TEDDM1: variants seen among roughly 807,000 people sequenced by gnomAD.
TEDDM1 encodes epididymal protein 9.
For synonymous variants in TEDDM1, 126 were observed against 128.0 expected, an observed-to-expected ratio of 0.98 and a Z score of 0.11; for missense variants, 344 against 318.9, an observed-to-expected ratio of 1.08 and a Z score of -0.60.
In TEDDM1 at chr1:182,399,633, G is replaced by A; in HGVS notation, c.*31C>T. The A allele has an allele frequency of 6.5e-7, 1 of 1,543,066 alleles. No individual in the cohort carries two copies. The highest frequency in any genetic ancestry group is 8.9e-7 in the Non-Finnish European group (1 of 1,118,964). ...GGAGCCAACAGGAGGAAGATGAGGT[G>A]GACGATGTGCCAGCCACTGTAGGCC... On this transcript the variant is annotated 3_prime_UTR_variant, in exon 1 of 1. Coordinates refer to ENST00000367565, the MANE Select transcript of TEDDM1 (RefSeq NM_172000.4).
rs746903253 is a variant in TEDDM1 at position 182,400,587 on chromosome 1, G to C, written c.-102C>G. ...TTTCCCATGGAATACAGGCCTGTCC[G>C]ACTGAAGCGTGAAGAGCAATACTCA... is the stretch of plus-strand genomic sequence containing the variant. On this transcript the variant is annotated 5_prime_UTR_variant, in exon 1 of 1. Coordinates refer to ENST00000367565, the MANE Select transcript of TEDDM1 (RefSeq NM_172000.4). 1 of 963,932 alleles carries C rather than the reference G, an allele frequency of 1.0e-6. No individual in the cohort carries two copies. The highest frequency in any genetic ancestry group is 1.5e-6 in the Non-Finnish European group (1 of 656,906). 59.7% of individuals were successfully genotyped at this position (963,932 alleles called of 1,614,324 possible). A position where few individuals can be genotyped will look rare whatever the true frequency, so the allele number is the denominator to read the frequency against.
rs1238570761 is a variant in TEDDM1 at position 182,399,771 on chromosome 1, C to T, written c.715G>A (p.Ala239Thr). 1.2e-6 allele frequency: 2 copies of T among 1,614,056 alleles called. No homozygotes were observed. The highest frequency in any genetic ancestry group is 1.7e-5 in the Admixed American group (1 of 60,008). Residue 239 changes from alanine to threonine, a missense_variant, in exon 1 of 1, where the codon GCT (alanine) becomes ACT (threonine). Coordinates refer to ENST00000367565, the MANE Select transcript of TEDDM1 (RefSeq NM_172000.4). ...PSLKLTGPKE[A>T]PYYASTPGPL... is the part of the protein sequence containing the mutation. ...CCTGGAGTGCTTGCATAATATGGAG[C>T]TTCTTTGGGCCCAGTCAGCTTCAAG...
At position 182,400,606 on chromosome 1, in the gene TEDDM1, A is replaced by T; in HGVS notation, c.-121T>A. On this transcript the variant is annotated 5_prime_UTR_variant, in exon 1 of 1. It adds an upstream start codon to the 5' untranslated region. Coordinates refer to ENST00000367565, the MANE Select transcript of TEDDM1 (RefSeq NM_172000.4). ...CTGTCCGACTGAAGCGTGAAGAGCAATACTCAGGACCTCTCTGCTCTCCTC... is the reference window on the plus strand; with the variant it reads ...CTGTCCGACTGAAGCGTGAAGAGCATTACTCAGGACCTCTCTGCTCTCCTC... 1 of 748,852 alleles carries T rather than the reference A, an allele frequency of 1.3e-6. No individual in the cohort carries two copies. The highest frequency in any genetic ancestry group is 2.9e-5 in the Admixed American group (1 of 34,750). 46.4% of individuals were successfully genotyped at this position (748,852 alleles called of 1,614,324 possible). A position where few individuals can be genotyped will look rare whatever the true frequency, so the allele number is the denominator to read the frequency against.
In TEDDM1 at chr1:182,399,644, C is replaced by T; in HGVS notation, c.*20G>A. On this transcript the variant is annotated 3_prime_UTR_variant, in exon 1 of 1. Coordinates refer to ENST00000367565, the MANE Select transcript of TEDDM1 (RefSeq NM_172000.4). ...GAGGAAGATGAGGTGGACGATGTGC[C>T]AGCCACTGTAGGCCCTGTCTCAGGG... is the stretch of plus-strand genomic sequence containing the variant. 1 of 1,586,842 alleles carries T rather than the reference C, an allele frequency of 6.3e-7. No individual in the cohort carries two copies. The highest frequency in any genetic ancestry group is 8.6e-7 in the Non-Finnish European group (1 of 1,157,282).
In TEDDM1 at chr1:182,400,224, T is replaced by C. The variant is rs751572449; in HGVS notation, c.262A>G (p.Ser88Gly). Residue 88 changes from serine (S) to glycine (G), a missense_variant, in exon 1 of 1, where the codon AGC (serine) becomes GGC (glycine). Coordinates refer to ENST00000367565, the MANE Select transcript of TEDDM1 (RefSeq NM_172000.4). ...CACCTCTGAGGCAGCACATTCTTGC[T>C]CATGAAGTCCACACAGCCATTAAGA... ...LTLNGCVDFM[S>G]KNVLPQRCVG... 2.5e-6 allele frequency: 4 copies of C among 1,614,048 alleles called. No individual in the cohort carries two copies. Among genetic ancestry groups the C allele is most frequent in the African/African-American group, 2.7e-5 (2 of 74,920 alleles).
chr1:182,398,908 A>G lies in TEDDM1; in HGVS notation c.*756T>C, dbSNP rs2101945171. On this transcript the variant is annotated 3_prime_UTR_variant, in exon 1 of 1. Coordinates refer to ENST00000367565, the MANE Select transcript of TEDDM1 (RefSeq NM_172000.4). The stretch of plus-strand genomic sequence containing the variant: ...ATATGTAAAGTTTGAAATGAAGCCA[A>G]TTCTTGAAAGCTGCGGAGAGAGAAG... 1 of 152,360 alleles carries G rather than the reference A, an allele frequency of 6.6e-6. No homozygotes were observed. The highest frequency in any genetic ancestry group is 6.5e-5 in the Admixed American group (1 of 15,310). 9.4% of individuals were successfully genotyped at this position (152,360 alleles called of 1,614,324 possible).
Position 182,400,544 on chromosome 1 carries a change from T to G in TEDDM1, c.-59A>C. 7.0e-7 allele frequency: 1 copy of G among 1,430,798 alleles called. No individual in the cohort carries two copies. Among genetic ancestry groups the G allele is most frequent in the Non-Finnish European group, 9.4e-7 (1 of 1,064,906 alleles). The allele number at this position is 1,430,798 out of a possible 1,614,324, so 88.6% of individuals were successfully genotyped here. ...ATAAGAGAAAAGAAATAGCCCCAGT[T>G]AAAAATGGCCAATGGACTTTCCCAT... On this transcript the variant is annotated 5_prime_UTR_variant, in exon 1 of 1. An upstream open reading frame in the 5' UTR loses its in-frame stop. Transcript: ENST00000367565.
Position 182,399,191 on chromosome 1 carries a change from T to C in TEDDM1, c.*473A>G, listed in dbSNP as rs1650633821. Reference sequence around the variant, plus strand: ...CCTCCCTTCACAGCTCTTCCTTTTGTTGCATTCTCTTCCCCCAGTGGCTTT... The same window carrying C: ...CCTCCCTTCACAGCTCTTCCTTTTGCTGCATTCTCTTCCCCCAGTGGCTTT... On this transcript the variant is annotated 3_prime_UTR_variant, in exon 1 of 1. Transcript: ENST00000367565. The C allele has an allele frequency of 5.8e-6, 1 of 171,328 alleles. No homozygotes were observed. Among genetic ancestry groups the C allele is most frequent in the Non-Finnish European group, 1.3e-5 (1 of 78,562 alleles). 10.6% of individuals were successfully genotyped at this position (171,328 alleles called of 1,614,324 possible).
chr1:182,399,842 C>G lies in TEDDM1; in HGVS notation c.644G>C (p.Gly215Ala), dbSNP rs768919686. 1.2e-6 allele frequency: 2 copies of G among 1,614,126 alleles called. No homozygotes were observed. Among genetic ancestry groups the G allele is most frequent in the African/African-American group, 1.3e-5 (1 of 75,030 alleles). Residue 215 changes from glycine (G) to alanine (A), a missense_variant, in exon 1 of 1, where the codon GGA (glycine) becomes GCA (alanine). Coordinates refer to ENST00000367565, the MANE Select transcript of TEDDM1 (RefSeq NM_172000.4). ...CCAAAAGGAAGAGAAGCCATAGATTCCCAACAGGAATGAGGCATTGATCAT... is the reference window on the plus strand; with the variant it reads ...CCAAAAGGAAGAGAAGCCATAGATTGCCAACAGGAATGAGGCATTGATCAT... ...HVMINASFLLGIYGFSSFWYH... is the reference protein window; with the variant it reads ...HVMINASFLLAIYGFSSFWYH...
rs756010157 is a variant in TEDDM1, at chr1:182,399,935, C to A, written c.551G>T (p.Gly184Val). 1.2e-6 allele frequency: 2 copies of A among 1,614,054 alleles called. No individual in the cohort carries two copies. The highest frequency in any genetic ancestry group is 1.7e-6 in the Non-Finnish European group (2 of 1,179,998). Residue 184 changes from glycine to valine, a missense_variant, in exon 1 of 1, where the codon GGC becomes GTC. Coordinates refer to ENST00000367565, the MANE Select transcript of TEDDM1 (RefSeq NM_172000.4). Reference sequence around the variant, plus strand: ...GATGTCATCGTCCTGCCATGGGTAGCCAGAGACGGGTCTGTATAGAATAAA... The same window carrying A: ...GATGTCATCGTCCTGCCATGGGTAGACAGAGACGGGTCTGTATAGAATAAA... ...AGFILYRPVS[G>V]YPWQDDDISD...
Position 182,400,333 on chromosome 1 carries a change from C to A in TEDDM1, c.153G>T (p.Gly51=). ...GCACTTGCTTCCTCATGAGCACCATCCCGCCATCAAGACAGAGAACCACAT... is the reference window on the plus strand; with the variant it reads ...GCACTTGCTTCCTCATGAGCACCATACCGCCATCAAGACAGAGAACCACAT... ...TFYVVLCLDG[G]MVLMRKQVPS... Residue 51 remains glycine, a synonymous_variant, in exon 1 of 1, where the codon GGG becomes GGT. Coordinates refer to ENST00000367565, the MANE Select transcript of TEDDM1 (RefSeq NM_172000.4). The A allele has an allele frequency of 6.2e-7, 1 of 1,614,176 alleles. No homozygotes were observed. The highest frequency in any genetic ancestry group is 8.5e-7 in the Non-Finnish European group (1 of 1,180,034).
Position 182,398,207 on chromosome 1 carries a change from T to C in TEDDM1, c.*1457A>G, listed in dbSNP as rs1650613729. 1.3e-5 allele frequency: 2 copies of C among 152,276 alleles called. No homozygotes were observed. Among genetic ancestry groups the C allele is most frequent in the African/African-American group, 4.8e-5 (2 of 41,540 alleles). 9.4% of individuals were successfully genotyped at this position (152,276 alleles called of 1,614,324 possible). ...GGCAGTGACTCAGTGTTCAGGACTG[T>C]TGTTGTCACCCAGAGAGATTCACAA... On this transcript the variant is annotated 3_prime_UTR_variant, in exon 1 of 1. Transcript: ENST00000367565.
rs544502941 is a variant in TEDDM1 at position 182,399,645 on chromosome 1, A to T, written c.*19T>A. 15 of 1,589,016 alleles carry T rather than the reference A, an allele frequency of 9.4e-6. No individual in the cohort carries two copies. The African/African-American group carries it at 1.3e-4, about 14-fold the overall frequency. ...AGGAAGATGAGGTGGACGATGTGCCAGCCACTGTAGGCCCTGTCTCAGGGG... is the reference window on the plus strand; with the variant it reads ...AGGAAGATGAGGTGGACGATGTGCCTGCCACTGTAGGCCCTGTCTCAGGGG... On this transcript the variant is annotated 3_prime_UTR_variant, in exon 1 of 1. Coordinates refer to ENST00000367565, the MANE Select transcript of TEDDM1 (RefSeq NM_172000.4).
Position 182,398,567 on chromosome 1 carries a change from T to A in TEDDM1, c.*1097A>T, listed in dbSNP as rs1650620360. ...TGGAGAAGGCCACCTTGGGGATACT[T>A]GGTGCGGTGTGGGGGTGGATGTAGG... On this transcript the variant is annotated 3_prime_UTR_variant, in exon 1 of 1. Coordinates refer to ENST00000367565, the MANE Select transcript of TEDDM1 (RefSeq NM_172000.4). The A allele has an allele frequency of 6.6e-6, 1 of 152,178 alleles. No individual in the cohort carries two copies. Among genetic ancestry groups the A allele is most frequent in the Admixed American group, 6.5e-5 (1 of 15,268 alleles). The allele number at this position is 152,178 out of a possible 1,614,324, so 9.4% of individuals were successfully genotyped here. A position where few individuals can be genotyped will look rare whatever the true frequency, so the allele number is the denominator to read the frequency against.
chr1:182,400,305 A>G lies in TEDDM1; in HGVS notation c.181T>C (p.Ser61Pro), dbSNP rs761933099. Residue 61 changes from serine (S) to proline (P), a missense_variant, in exon 1 of 1, where the codon TCA becomes CCA. Transcript: ENST00000367565. ...GMVLMRKQVP[S>P]RFMYPKEWQH... The stretch of plus-strand genomic sequence containing the variant: ...CACTCTTTGGGGTACATGAACCTTG[A>G]TGGCACTTGCTTCCTCATGAGCACC... 12 of 1,614,080 alleles carry G rather than the reference A, an allele frequency of 7.4e-6. No individual in the cohort carries two copies. Among genetic ancestry groups the G allele is most frequent in the Middle Eastern group, 1.6e-4 (1 of 6,084 alleles).
At position 182,400,242 on chromosome 1, in the gene TEDDM1, C is replaced by T. The variant is rs747765685; in HGVS notation, c.244G>A (p.Gly82Ser). Reference protein sequence around the residue: ...LTMFILLTLNGCVDFMSKNVL... With the variant: ...LTMFILLTLNSCVDFMSKNVL... The stretch of plus-strand genomic sequence containing the variant: ...TTCTTGCTCATGAAGTCCACACAGC[C>T]ATTAAGAGTGAGGAGGATGAACATG... Residue 82 changes from glycine (G) to serine (S), a missense_variant, in exon 1 of 1, where the codon GGC becomes AGC. Transcript: ENST00000367565. 2.5e-6 allele frequency: 4 copies of T among 1,614,194 alleles called. No individual in the cohort carries two copies. The South Asian group carries it at 3.3e-5, about 13-fold the overall frequency.
chr1:182,399,694 C>A lies in TEDDM1; in HGVS notation c.792G>T (p.Gln264His). The change falls in exon 1 of 1, where the codon CAG becomes CAT. Residue 264 changes from glutamine to histidine, a missense_variant. Physicochemically the swap from Gln to His is conservative, Grantham distance 24. Coordinates refer to ENST00000367565, the MANE Select transcript of TEDDM1 (RefSeq NM_172000.4). ...GGGAGCTCTTTGGAAGGAGGAGAGCCTGGTCCTCTTTCTCTGACTGCTCCA... is the reference window on the plus strand; with the variant it reads ...GGGAGCTCTTTGGAAGGAGGAGAGCATGGTCCTCTTTCTCTGACTGCTCCA... ...QEVEQSEKED[Q>H]ALLLPKSSP is the part of the protein sequence containing the mutation. The A allele has an allele frequency of 6.2e-7, 1 of 1,613,998 alleles. No individual in the cohort carries two copies. The highest frequency in any genetic ancestry group is 1.3e-5 in the African/African-American group (1 of 74,996).
Position 182,400,103 on chromosome 1 carries a change from T to A in TEDDM1, c.383A>T (p.His128Leu), listed in dbSNP as rs777905508. 6.2e-7 allele frequency: 1 copy of A among 1,613,398 alleles called. No homozygotes were observed. The highest frequency in any genetic ancestry group is 1.7e-5 in the Admixed American group (1 of 59,950). Residue 128 changes from histidine to leucine, a missense_variant, in exon 1 of 1, where the codon CAC (histidine) becomes CTC (leucine). His to Leu is a moderately conservative substitution (Grantham distance 99, BLOSUM62 -3). Coordinates refer to ENST00000367565, the MANE Select transcript of TEDDM1 (RefSeq NM_172000.4). ...HVKDSEGVEL[H>L]VYSLLILVVF... ...CACCAAGATGAGCAGAGAATAAACG[T>A]GCAGCTCCACCCCTTCTGAATCTTT...
Position 182,400,501 on chromosome 1 carries a change from T to C in TEDDM1, c.-16A>G. 1 of 1,581,120 alleles carries C rather than the reference T, an allele frequency of 6.3e-7. No homozygotes were observed. Among genetic ancestry groups the C allele is most frequent in the Non-Finnish European group, 8.6e-7 (1 of 1,167,594 alleles). On this transcript the variant is annotated 5_prime_UTR_variant, in exon 1 of 1. Transcript: ENST00000367565. ...TGAGTATCATGCCCTTGGAGACCAC[T>C]GTGGCCTGATATAGTCCATAAGAGA...
Sources: gnomAD v4.1 joint callset for allele counts on GRCh38, gnomAD v4.1.1 for gene constraint, MANE v1.5 for transcripts, NCBI Gene and HGNC (gene_info 2026-07-23, HGNC 2026-07-21) for gene names.